CARS2: variants seen among roughly 807,000 people sequenced by gnomAD.
The protein encoded by CARS2 is cysteinyl-tRNA synthetase 2, mitochondrial, also known as probable cysteine--tRNA ligase, mitochondrial.
In CARS2, 52 loss-of-function variants were observed where a neutral mutation model predicts 68.8. The ratio of observed to expected loss-of-function variants is 0.76; its 90% CI spans 0.61 to 0.95. CARS2 has a LOEUF of 0.95. Ranked by LOEUF, CARS2 falls within the 40% of genes least tolerant of loss-of-function variation. The probability of loss-of-function intolerance (pLI) is 0.00; values close to 1 mark genes in which losing one functional copy is unlikely to be tolerated. For missense variants in CARS2, 780 were observed against 754.2 expected, an observed-to-expected ratio of 1.03 and a Z score of -0.40; for synonymous variants, 314 against 303.6, an observed-to-expected ratio of 1.03 and a Z score of -0.36.
intron 13 of CARS2, chr13:110,642,799 C>A (rs751131485): frequency 6.5e-5 from 45 of 689,686 alleles, no homozygotes; most frequent in Non-Finnish European, 1.1e-4. Flanking sequence ...CTGCATGCCG[C>A]CCCGCCCTGA....
intron 3 of CARS2, among the ~76,000 whole-genome samples, chr13:110,689,465 C>T (rs1351574622): frequency 6.6e-6 from 1 of 152,202 alleles, no homozygotes; most frequent in East Asian, 1.9e-4. Context: ...CATAGTCAAC[C>T]CAGAAAGCCC....
At chr13:110,713,113 A>T (rs1208594949) in intron 1 of CARS2, 2 of 1,436,162 alleles carry the variant, frequency 1.4e-6, no homozygotes, top group Non-Finnish European at 1.8e-6. Context: ...TTCTAGTAGT[A>T]AGAGTCCGGG....
Position 110,646,061 on chromosome 13 carries a change from G to A in CARS2, c.1223C>T (p.Ala408Val), listed in dbSNP as rs764879319. Residue 408 changes from alanine (A) to valine (V), a missense_variant, in exon 12 of 15, where the codon GCG becomes GTG. Transcript: ENST00000257347. ...RLSSTKRAVK[A>V]ALADDFDTPR... The stretch of plus-strand genomic sequence containing the variant: ...TGTGTCAAAATCATCTGCCAAGGCC[G>A]CCTTCACGGCCCTCTTGGTGCTGGA... 7 of 1,613,594 alleles carry A rather than the reference G, an allele frequency of 4.3e-6. No homozygotes were observed. Among genetic ancestry groups the A allele is most frequent in the East Asian group, 2.2e-5 (1 of 44,836 alleles).
At chr13:110,713,298 T>C (rs2064059754) in exon 1 of CARS2, 2 of 1,236,110 alleles carry the variant, frequency 1.6e-6, no homozygotes, top group Non-Finnish European at 2.0e-6. Context: ...GTAGTTGCTG[T>C]GTACCATGGT....
intron 11 of CARS2, chr13:110,646,691 G>A (rs995610276): frequency 4.5e-5 from 8 of 177,070 alleles, no homozygotes; most frequent in African/African-American, 9.5e-5. Context: ...GAGCAGCTCC[G>A]CTCCTCGCAC....
At chr13:110,642,810 A>C in intron 13 of CARS2, 1 of 669,486 alleles carries the variant, frequency 1.5e-6, no homozygotes, top group Non-Finnish European at 2.7e-6. Flanking sequence ...CCCGCCCTGA[A>C]CACAAACGCT....
In CARS2 at chr13:110,667,367, G is replaced by A. The variant is rs1160957495; in HGVS notation, c.892C>T (p.Gln298Ter). Residue 298 changes from glutamine to a stop codon, truncating the protein, a stop_gained, in exon 8 of 15, where the codon CAG becomes TAG. Transcript: ENST00000257347. LOFTEE classifies it high-confidence loss of function. ...AQCEVFHQCE[Q>*]WGNYFLHSGH... Reference sequence around the variant, plus strand: ...GAATGCAGAAAATAATTTCCCCACTGCTCGCACTGATGAAAGACTTCGCAC... The same window carrying A: ...GAATGCAGAAAATAATTTCCCCACTACTCGCACTGATGAAAGACTTCGCAC... 2 of 1,613,164 alleles carry A rather than the reference G, an allele frequency of 1.2e-6. No individual in the cohort carries two copies. The highest frequency in any genetic ancestry group is 3.3e-5 in the Admixed American group (2 of 59,910).
chr13:110,680,407 CAAACAAACAAA>C (rs1263859504), intron 6 of CARS2, among the ~76,000 whole-genome samples: 1 of 152,076 alleles, frequency 6.6e-6, no homozygotes, highest in Non-Finnish European at 1.5e-5. Flanking sequence ...AACAAACAAA[CAAACAAACAAA>C]AAAGGTATTC....
At chr13:110,708,636 G>T (rs1006270852), upstream of CARS2, among the ~76,000 whole-genome samples, 1 of 151,226 alleles carries the variant, frequency 6.6e-6, no homozygotes, top group African/African-American at 2.4e-5. Context: ...GCCTGATCTG[G>T]GTTCACTGCA....
intron 9 of CARS2, among the ~76,000 whole-genome samples, chr13:110,658,403 C>G (rs2062423257): frequency 6.6e-6 from 1 of 152,132 alleles, no homozygotes; most frequent in East Asian, 1.9e-4. Flanking sequence ...AGTGAGTCCA[C>G]AGTTTTGGTT....
chr13:110,651,198 A>G lies in CARS2; in HGVS notation c.988-98T>C, dbSNP rs142175442. ...TTCTACAATTACATAAGTTATCTCT[A>G]CCTATCAAGAAATCAGGAACCTTGA... On this transcript the variant is annotated intron_variant, in intron 9 of 14. Transcript: ENST00000257347. 482 of 761,778 alleles carry G rather than the reference A, an allele frequency of 6.3e-4. 1 individual carries two copies. In the African/African-American group the frequency reaches 8.0e-3, roughly 13 times the overall value. The allele number at this position is 761,778 out of a possible 1,614,324, so 47.2% of individuals were successfully genotyped here.
At chr13:110,680,147 AGGGG>A (rs56104854) in intron 6 of CARS2, among the ~76,000 whole-genome samples, 17 of 122,838 alleles carry the variant, frequency 1.4e-4, no homozygotes, top group South Asian at 5.2e-4. Context: ...TGGGAGGCCG[AGGGG>A]GGGGGGGGGG....
At chr13:110,656,005 A>T (rs1344287858) in intron 9 of CARS2, among the ~76,000 whole-genome samples, 1 of 152,226 alleles carries the variant, frequency 6.6e-6, no homozygotes, top group Admixed American at 6.5e-5. Flanking sequence ...CACAGATATG[A>T]CAAATAAAAG....
chr13:110,672,825 T>G (rs1199945124), intron 7 of CARS2, among the ~76,000 whole-genome samples: 4 of 152,100 alleles, frequency 2.6e-5, no homozygotes, highest in Non-Finnish European at 5.9e-5. Flanking sequence ...CTAGCAAGAC[T>G]AATAAAGAAG....
intron 13 of CARS2, chr13:110,642,906 G>A (rs1222933800): frequency 1.6e-5 from 7 of 433,570 alleles, no homozygotes; most frequent in Non-Finnish European, 3.1e-5. Context: ...CTGAGCGCTT[G>A]CACACGTGTG....
rs181434864 is a variant in CARS2 at position 110,657,051 on chromosome 13, T to A, written c.988-5951A>T. On this transcript the variant is annotated intron_variant, in intron 9 of 14. Transcript: ENST00000257347. The stretch of plus-strand genomic sequence containing the variant: ...AAATAAGAGAAGCCTTAAGTTTTAC[T>A]CAATAGTTTTACTGTTAATGGTAAT... Among the ~76,000 whole-genome samples, 341 of 152,342 alleles carry A rather than the reference T, an allele frequency of 2.2e-3. 1 individual carries two copies. Among genetic ancestry groups the A allele is most frequent in the Non-Finnish European group, 3.6e-3 (245 of 68,036 alleles).
chr13:110,700,890 G>A (rs1056405538), intron 3 of CARS2, among the ~76,000 whole-genome samples: 3 of 152,192 alleles, frequency 2.0e-5, no homozygotes, highest in East Asian at 1.9e-4. Context: ...GTAACGACAC[G>A]AGGCCACAGA....
intron 5 of CARS2, among the ~76,000 whole-genome samples, chr13:110,684,889 T>G (rs1393571084): frequency 2.0e-5 from 3 of 152,202 alleles, no homozygotes; most frequent in Non-Finnish European, 4.4e-5. Flanking sequence ...ACCAAGCCCT[T>G]GTGGAATTGT....
rs114776169 is a variant in CARS2 at position 110,644,625 on chromosome 13, G to A, written c.1318-142C>T. On this transcript the variant is annotated intron_variant, in intron 12 of 14. Transcript: ENST00000257347. The stretch of plus-strand genomic sequence containing the variant: ...CTGGCTTCTATGGAGGGAGGACACA[G>A]CTCTGGCATCGGCTACCTCACTGCA... 2.2e-3 allele frequency: 3,178 copies of A among 1,422,460 alleles called. 67 individuals are homozygous for A. The African/African-American group carries it at 0.042, about 19-fold the overall frequency. 88.1% of individuals were successfully genotyped at this position (1,422,460 alleles called of 1,614,324 possible). A position where few individuals can be genotyped will look rare whatever the true frequency, so the allele number is the denominator to read the frequency against.
Sources: allele counts gnomAD v4.1 joint callset (sites outside exome capture counted in the v4.1 genomes callset), GRCh38; gene constraint gnomAD v4.1.1; transcripts MANE v1.5; gene names NCBI Gene and HGNC (gene_info 2026-07-23, HGNC 2026-07-21).